DOCK2: variants seen among roughly 807,000 people sequenced by gnomAD.
DOCK2 encodes dedicator of cytokinesis 2, also known as dedicator of cytokinesis protein 2.
Under a neutral mutation model 248.9 loss-of-function variants are expected in DOCK2, and 87 were observed. The ratio of observed to expected loss-of-function variants is 0.35; its 90% CI spans 0.29 to 0.42. The LOEUF is 0.42. Among genes scored for constraint, DOCK2 ranks in the 10% least tolerant of loss-of-function variants. The probability of loss-of-function intolerance (pLI) is 1.00; values close to 1 mark genes in which losing one functional copy is unlikely to be tolerated. For synonymous variants in DOCK2, 805 were observed against 821.6 expected (o/e 0.98, Z 0.35); for missense variants, 1,747 against 2,300.2 (o/e 0.76, Z 4.92).
intron 43 of DOCK2, chr5:170,057,136 G>T: frequency 2.8e-6 from 1 of 351,604 alleles, no homozygotes; most frequent in Non-Finnish European, 5.3e-6. Flanking sequence ...TCCCCTGAGT[G>T]CTAGTCTCCT....
intron 27 of DOCK2, among the ~76,000 whole-genome samples, chr5:169,852,919 C>A (rs947296399): frequency 9.2e-5 from 14 of 152,306 alleles, no homozygotes; most frequent in Admixed American, 7.8e-4. Context: ...TCATGAGTGT[C>A]CTTCCCTGGG....
intron 38 of DOCK2, 104 bp from the exon 39 acceptor site, chr5:170,045,712 C>T (rs1756683604): frequency 8.7e-7 from 1 of 1,152,746 alleles, no homozygotes; most frequent in African/African-American, 1.5e-5. Context: ...GCAAGGTTTC[C>T]CCTCAGTCCC....
intron 26 of DOCK2, among the ~76,000 whole-genome samples, chr5:169,835,265 T>TG (rs201023006): frequency 7.4e-5 from 11 of 148,826 alleles, no homozygotes; most frequent in Admixed American, 2.7e-4. Flanking sequence ...GCCTGGTTTT[T>TG]TTTTTTTTTT....
In DOCK2 at chr5:170,018,982, C is replaced by G; in HGVS notation, c.3255C>G (p.Ile1085Met). The change falls in exon 33 of 52, where the codon ATC becomes ATG. Residue 1085 changes from isoleucine to methionine, a missense_variant. Physicochemically the swap from Ile to Met is conservative, Grantham distance 10. This residue lies in a region of DOCK2 where 858 missense variants were observed against 1,183.5 expected (regional missense o/e 0.72). Coordinates refer to ENST00000520908, the MANE Select transcript of DOCK2 (RefSeq NM_004946.3). ...CAGGTCAGAACAAAATCTGCTTCAT[C>G]CCAGGCATGGTAGGACCTATATTAG... ...YKLGQNKICF[I>M]PGMVGPILEM... is the part of the protein sequence containing the mutation. 6.2e-7 allele frequency: 1 copy of G among 1,614,028 alleles called. No homozygotes were observed. The highest frequency in any genetic ancestry group is 8.5e-7 in the Non-Finnish European group (1 of 1,179,936).
At chr5:169,786,552 G>T (rs926388931) in intron 25 of DOCK2, among the ~76,000 whole-genome samples, 11 of 152,196 alleles carry the variant, frequency 7.2e-5, no homozygotes, top group Non-Finnish European at 1.6e-4. Context: ...GATGGCAGGA[G>T]ATTCTCCAAG....
At chr5:169,702,450 G>C (rs146647976) in intron 14 of DOCK2, 23 bp downstream of exon 14, 1 of 1,612,464 alleles carries the variant, frequency 6.2e-7, no homozygotes, top group Non-Finnish European at 8.5e-7. Flanking sequence ...CTGCTGCTCT[G>C]GGTGACAGGG....
In DOCK2 at chr5:170,026,100, G is replaced by C. The variant is rs1561886725; in HGVS notation, c.3382-1763G>C. 1.3e-5 allele frequency among the ~76,000 whole-genome samples: 2 copies of C among 152,016 alleles called. 1 individual carries two copies. The highest frequency in any genetic ancestry group is 4.1e-4 in the South Asian group (2 of 4,824). Reference sequence around the variant, plus strand: ...TGGCATTTGTGCTGTATCAGCACAAGCTTTTGGTCCCTCCCTTAGATCCTT... The same window carrying C: ...TGGCATTTGTGCTGTATCAGCACAACCTTTTGGTCCCTCCCTTAGATCCTT... On this transcript the variant is annotated intron_variant, in intron 33 of 51. Transcript: ENST00000520908.
At chr5:169,929,806 G>A (rs1002666496) in intron 27 of DOCK2, among the ~76,000 whole-genome samples, 4 of 150,440 alleles carry the variant, frequency 2.7e-5, no homozygotes, top group Non-Finnish European at 5.9e-5. Context: ...CTGAAAGCTT[G>A]ACCTAGCACT....
intron 32 of DOCK2, among the ~76,000 whole-genome samples, chr5:170,014,831 G>C (rs564313312): frequency 6.6e-6 from 1 of 152,130 alleles, no homozygotes; most frequent in African/African-American, 2.4e-5. Flanking sequence ...CTCCCAGGTA[G>C]TTTATCCTGA....
intron 27 of DOCK2, among the ~76,000 whole-genome samples, chr5:169,847,385 A>G (rs1296896337): frequency 6.6e-6 from 1 of 152,190 alleles, no homozygotes; most frequent in African/African-American, 2.4e-5. Context: ...AATAATGGCC[A>G]TTCTTGCAGG....
At chr5:169,980,913 TGA>T (rs936473013) in intron 27 of DOCK2, among the ~76,000 whole-genome samples, 2 of 152,204 alleles carry the variant, frequency 1.3e-5, no homozygotes, top group African/African-American at 4.8e-5. Context: ...CCATTGTCCC[TGA>T]GAGTCCCAGC....
intron 30 of DOCK2, chr5:170,000,039 C>T (rs1754779533): frequency 6.6e-6 from 1 of 152,204 alleles, no homozygotes; most frequent in South Asian, 2.1e-4. Context: ...AGGCCCTATT[C>T]AGGATGCTGG....
chr5:170,043,074 G>C (rs1318923529), intron 38 of DOCK2, among the ~76,000 whole-genome samples: 1 of 152,164 alleles, frequency 6.6e-6, no homozygotes. Flanking sequence ...GGCCAGACCA[G>C]CTGCTGCTCA....
At chr5:169,795,581 G>A (rs184535234) in intron 25 of DOCK2, among the ~76,000 whole-genome samples, 1 of 152,290 alleles carries the variant, frequency 6.6e-6, no homozygotes, top group East Asian at 1.9e-4. Flanking sequence ...GAAATTTGTG[G>A]GTAGTTATTG....
rs563412409 is a variant in DOCK2 at position 169,698,898 on chromosome 5, G to A, written c.1055+449G>A. On this transcript the variant is annotated intron_variant, in intron 11 of 51. Transcript: ENST00000520908. The stretch of plus-strand genomic sequence containing the variant: ...CCTAACCTGGTTCTCATGGATAGAC[G>A]TATCCATGACTTAGGAGGAGGGCAA... Among the ~76,000 whole-genome samples the A allele has an allele frequency of 9.9e-5, 15 of 152,282 alleles. No homozygotes were observed. In the South Asian group the frequency reaches 2.5e-3, roughly 25 times the overall value.
intron 33 of DOCK2, among the ~76,000 whole-genome samples, chr5:170,024,430 C>T (rs1755836000): frequency 6.7e-6 from 1 of 149,492 alleles, no homozygotes; most frequent in Non-Finnish European, 1.5e-5. Context: ...CCTCAGCCTC[C>T]TCATTTGTAA....
intron 15 of DOCK2, among the ~76,000 whole-genome samples, chr5:169,711,545 T>C (rs1761585210): frequency 6.6e-6 from 1 of 152,230 alleles, no homozygotes; most frequent in South Asian, 2.1e-4. Flanking sequence ...ATTGTTAATT[T>C]GCTAAGCCCT....
chr5:170,065,056 C>T (rs1436344590), intron 44 of DOCK2, among the ~76,000 whole-genome samples: 1 of 151,796 alleles, frequency 6.6e-6, no homozygotes, highest in Non-Finnish European at 1.5e-5. Context: ...ACCTAAAGCT[C>T]TAATAGTTTG....
At chr5:169,843,898 T>C (rs1316491860) in intron 27 of DOCK2, among the ~76,000 whole-genome samples, 1 of 152,276 alleles carries the variant, frequency 6.6e-6, no homozygotes, top group Non-Finnish European at 1.5e-5. Context: ...TTTCTTTTCA[T>C]TGCTGAATAA....
Sources: gnomAD v4.1 joint callset for allele counts (sites outside exome capture counted in the v4.1 genomes callset) on GRCh38, gnomAD v4.1.1 for gene constraint, gnomAD v4.1.1 regional missense constraint, MANE v1.5 for transcripts, NCBI Gene and HGNC (gene_info 2026-07-23, HGNC 2026-07-21) for gene names.